Variants in KDM1A observed in about 807,000 individuals in gnomAD.
The protein encoded by KDM1A is lysine-specific histone demethylase 1A.
KDM1A carries 49 observed loss-of-function variants against 109.4 expected under a neutral mutation model. The ratio of observed to expected loss-of-function variants is 0.45; its 90% confidence interval spans 0.36 to 0.57. The LOEUF (loss-of-function observed/expected upper bound fraction) is 0.57. Ranked by LOEUF, KDM1A falls within the 20% of genes least tolerant of loss-of-function variation. The probability of loss-of-function intolerance (pLI) is 0.00; values close to 1 mark genes in which losing one functional copy is unlikely to be tolerated. For missense variants in KDM1A, 668 were observed against 1,116.6 expected, an observed-to-expected ratio of 0.60 and a Z score of 5.73; for synonymous variants, 380 against 415.4, an observed-to-expected ratio of 0.91 and a Z score of 1.04.
intron 9 of KDM1A, among the ~76,000 whole-genome samples, chr1:23,060,559 G>A (rs1414963036): frequency 6.6e-6 from 1 of 152,198 alleles, no homozygotes. Flanking sequence ...GAAGGTGTAA[G>A]GGAAAGGACA....
intron 19 of KDM1A, chr1:23,081,818 C>T (rs1643628512): frequency 4.2e-6 from 2 of 477,158 alleles, no homozygotes; most frequent in Admixed American, 7.3e-5. Flanking sequence ...CACACCAGAT[C>T]CCTGACATTT....
chr1:23,054,149 G>A (rs1480124566), intron 5 of KDM1A, among the ~76,000 whole-genome samples: 1 of 152,128 alleles, frequency 6.6e-6, no homozygotes, highest in East Asian at 1.9e-4. Flanking sequence ...TCTTATTTCA[G>A]ACTTGGCACC....
chr1:23,019,824 A>G lies in KDM1A; in HGVS notation c.228A>G (p.Glu76=). 7.0e-7 allele frequency: 1 copy of G among 1,427,396 alleles called. No individual in the cohort carries two copies. Among genetic ancestry groups the G allele is most frequent in the Non-Finnish European group, 9.2e-7 (1 of 1,092,114 alleles). 88.4% of individuals were successfully genotyped at this position (1,427,396 alleles called of 1,614,324 possible). ...PRASPPGGLA[E]PPGSAGPQAG... The stretch of plus-strand genomic sequence containing the variant: ...CCTCGCCCCCCGGGGGCCTGGCGGA[A>G]CCGCCGGGGTCCGCAGGGCCTCAGG... Residue 76 remains glutamate, a synonymous_variant, in exon 1 of 21, where the codon GAA becomes GAG. Coordinates refer to ENST00000400181, the MANE Select transcript of KDM1A (RefSeq NM_001009999.3).
rs10799788 is a variant in KDM1A, at chr1:23,030,371, G to A, written c.352-98G>A. ...GTTGTATGCTTACTTCCCTTAAAAT[G>A]TGAGGTTAACAATTTACATTGACTG... is the stretch of plus-strand genomic sequence containing the variant. On this transcript the variant is annotated intron_variant, in intron 1 of 20. Transcript: ENST00000400181. The A allele has an allele frequency of 0.31, 280,154 of 891,708 alleles. 44,943 individuals are homozygous for A. Among genetic ancestry groups the A allele is most frequent in the Middle Eastern group, 0.39 (1,280 of 3,248 alleles). 55.2% of individuals were successfully genotyped at this position (891,708 alleles called of 1,614,324 possible).
At chr1:23,063,196 T>TGGGGGGGG (rs369708466) in intron 9 of KDM1A, among the ~76,000 whole-genome samples, 1 of 39,374 alleles carries the variant, frequency 2.5e-5, no homozygotes. Context: ...GCTGTAGCAT[T>TGGGGGGGG]GGGGGGGGGG....
At chr1:23,052,425 A>G (rs1268381847) in intron 4 of KDM1A, among the ~76,000 whole-genome samples, 1 of 152,190 alleles carries the variant, frequency 6.6e-6, no homozygotes, top group East Asian at 1.9e-4. Flanking sequence ...AGAGTAGAGT[A>G]TCTGTGTGGA....
chr1:23,063,200 G>GGGT lies in KDM1A; in HGVS notation c.1168-2858_1168-2857insTGG, dbSNP rs1256218695. On this transcript the variant is annotated intron_variant, in intron 9 of 20. Transcript: ENST00000400181. Reference sequence around the variant, plus strand: ...ATTCCCACAGTGCTGTAGCATTGGGGGGGGGGTGTGGTGTGGGGTGGGTGT... The same window carrying GGGT: ...ATTCCCACAGTGCTGTAGCATTGGGGGGTGGGGGGTGTGGTGTGGGGTGGGTGT... 8.4e-5 allele frequency among the ~76,000 whole-genome samples: 7 copies of GGGT among 83,076 alleles called. 1 individual carries two copies. Among genetic ancestry groups the GGGT allele is most frequent in the Non-Finnish European group, 2.6e-5 (1 of 38,044 alleles). 54.5% of individuals were successfully genotyped at this position (83,076 alleles called of 152,430 possible). A position where few individuals can be genotyped will look rare whatever the true frequency, so the allele number is the denominator to read the frequency against.
intron 6 of KDM1A, 108 bp from the exon 7 acceptor site, chr1:23,055,824 A>G (rs757583144): frequency 5.8e-6 from 3 of 514,984 alleles, no homozygotes; most frequent in Non-Finnish European, 1.0e-5. Flanking sequence ...TGTATTTTTT[A>G]CTTTGTAAGC....
In KDM1A at chr1:23,069,160, C is replaced by G. The variant is rs373250057; in HGVS notation, c.1413+9C>G. The G allele has an allele frequency of 1.4e-5, 22 of 1,519,846 alleles. No homozygotes were observed. The highest frequency in any genetic ancestry group is 2.0e-5 in the Non-Finnish European group (22 of 1,103,118). 94.1% of individuals were successfully genotyped at this position (1,519,846 alleles called of 1,614,324 possible). On this transcript the variant is annotated intron_variant, in intron 12 of 20. Coordinates refer to ENST00000400181, the MANE Select transcript of KDM1A (RefSeq NM_001009999.3). ...AAGAACTTCTTAATAAGGTGAAATTCTGTATTTTCTTCATAGCTGAAGAAG... is the reference window on the plus strand; with the variant it reads ...AAGAACTTCTTAATAAGGTGAAATTGTGTATTTTCTTCATAGCTGAAGAAG...
intron 18 of KDM1A, chr1:23,080,906 T>C (rs1468868218): frequency 1.3e-5 from 2 of 152,388 alleles, no homozygotes; most frequent in Non-Finnish European, 2.9e-5. Context: ...CTGTGTAATT[T>C]TGCATCTGTT....
chr1:23,082,016 A>G, intron 19 of KDM1A: 2 of 543,358 alleles, frequency 3.7e-6, no homozygotes, highest in Non-Finnish European at 6.5e-6. Flanking sequence ...ACAGGAAGGC[A>G]ACATGGAGGG....
At chr1:23,045,556 G>A (rs749245321) in intron 3 of KDM1A, among the ~76,000 whole-genome samples, 9 of 152,162 alleles carry the variant, frequency 5.9e-5, no homozygotes, top group Admixed American at 1.3e-4. Flanking sequence ...CTTGAAGAAT[G>A]CTTTTCATCA....
intron 2 of KDM1A, among the ~76,000 whole-genome samples, chr1:23,031,490 G>A (rs1423648823): frequency 6.6e-6 from 1 of 152,090 alleles, no homozygotes; most frequent in Non-Finnish European, 1.5e-5. Flanking sequence ...GGTGGTTTCA[G>A]ACCCCATCTG....
intron 2 of KDM1A, among the ~76,000 whole-genome samples, chr1:23,031,339 C>T (rs1015594157): frequency 6.6e-6 from 1 of 152,114 alleles, no homozygotes; most frequent in Non-Finnish European, 1.5e-5. Flanking sequence ...TATCTTGTGC[C>T]CTTAATGACA....
At chr1:23,063,221 GGTGTGTGTGGGTGTGTGTGTGT>G (rs1338134908) in intron 9 of KDM1A, among the ~76,000 whole-genome samples, 1 of 90,906 alleles carries the variant, frequency 1.1e-5, no homozygotes, top group Non-Finnish European at 2.3e-5. Flanking sequence ...GTGTGGGGTG[GGTGTGTGTGGGTGTGTGTGTGT>G]GTGTGTGTGT....
rs1251554692 is a variant in KDM1A at position 23,019,653 on chromosome 1, C to A, written c.57C>A (p.Thr19=). Residue 19 remains threonine (T), a synonymous_variant, in exon 1 of 21, where the codon ACC becomes ACA. Coordinates refer to ENST00000400181, the MANE Select transcript of KDM1A (RefSeq NM_001009999.3). ...CGGCGGCGGCTGCAGCGGCAGCAAC[C>A]GGGACGGAGGCTGGCCCTGGGACAG... is the stretch of plus-strand genomic sequence containing the variant. ...AAAAAAAAAA[T]GTEAGPGTAG... 3 of 1,407,882 alleles carry A rather than the reference C, an allele frequency of 2.1e-6. No homozygotes were observed. The highest frequency in any genetic ancestry group is 3.2e-5 in the Admixed American group (1 of 31,374). The allele number at this position is 1,407,882 out of a possible 1,614,324, so 87.2% of individuals were successfully genotyped here.
intron 1 of KDM1A, among the ~76,000 whole-genome samples, chr1:23,021,021 A>G (rs1463145988): frequency 6.6e-6 from 1 of 152,178 alleles, no homozygotes; most frequent in East Asian, 1.9e-4. Context: ...TTAAATAAAA[A>G]TTTGCAGATT....
At chr1:23,024,413 G>T (rs1641734457) in intron 1 of KDM1A, among the ~76,000 whole-genome samples, 1 of 152,194 alleles carries the variant, frequency 6.6e-6, no homozygotes, top group African/African-American at 2.4e-5. Flanking sequence ...TAGTTCTTCA[G>T]TGTATGCAAG....
chr1:23,082,594 A>G (rs1374065197), intron 20 of KDM1A: 2 of 410,160 alleles, frequency 4.9e-6, no homozygotes, highest in Admixed American at 8.1e-5. Flanking sequence ...TATAAGTCAA[A>G]TAACATTTTT....
Sources: allele counts gnomAD v4.1 joint callset (sites outside exome capture counted in the v4.1 genomes callset), GRCh38; gene constraint gnomAD v4.1.1; transcripts MANE v1.5; gene names NCBI Gene and HGNC (gene_info 2026-07-23, HGNC 2026-07-21).